RFX2: variants seen among roughly 807,000 people sequenced by gnomAD.
The protein encoded by RFX2 is regulatory factor X2, also known as DNA-binding protein RFX2.
A neutral mutation model predicts 87.8 loss-of-function variants in RFX2; 20 were observed. The observed-to-expected ratio is 0.23, with a 90% CI of 0.16 to 0.33. The LOEUF (loss-of-function observed/expected upper bound fraction) is 0.33. Among genes scored for constraint, RFX2 ranks in the 10% least tolerant of loss-of-function variants. The probability of loss-of-function intolerance (pLI) is 1.00; values close to 1 mark genes in which losing one functional copy is unlikely to be tolerated. For synonymous variants in RFX2, 397 were observed against 431.3 expected (o/e 0.92, Z 0.98); for missense variants, 767 against 1,012.3 (o/e 0.76, Z 3.29).
chr19:6,019,843 T>C (rs976886694), intron 6 of RFX2: 1 of 152,160 alleles, frequency 6.6e-6, no homozygotes, highest in Non-Finnish European at 1.5e-5. Flanking sequence ...CAGACTATGC[T>C]CTCCCTGAGG....
At chr19:6,070,170 AATGGG>A (rs1385533016) in intron 1 of RFX2, among the ~76,000 whole-genome samples, 1 of 2,658 alleles carries the variant, frequency 3.8e-4, no homozygotes, top group African/African-American at 2.1e-3. Context: ...ATGGGATGTG[AATGGG>A]ATGGGATGGG....
intron 5 of RFX2, among the ~76,000 whole-genome samples, chr19:6,033,519 A>G (rs1184622675): frequency 6.7e-6 from 1 of 150,130 alleles, no homozygotes; most frequent in East Asian, 2.0e-4. Flanking sequence ...ACAGTCTTTA[A>G]TCTTGTCACT....
intron 1 of RFX2, chr19:6,073,281 G>T (rs2087635746): frequency 1.2e-5 from 11 of 913,350 alleles, no homozygotes; most frequent in South Asian, 9.1e-5. Flanking sequence ...CGCCTGCAAG[G>T]GCCAGATCTT....
In RFX2 at chr19:6,012,895, G is replaced by A; in HGVS notation, c.899+91C>T. 1 of 1,280,082 alleles carries A rather than the reference G, an allele frequency of 7.8e-7. No individual in the cohort carries two copies. The highest frequency in any genetic ancestry group is 1.0e-6 in the Non-Finnish European group (1 of 983,502). The allele number at this position is 1,280,082 out of a possible 1,614,324, so 79.3% of individuals were successfully genotyped here. On this transcript the variant is annotated intron_variant, in intron 8 of 17. Coordinates refer to ENST00000303657, the MANE Select transcript of RFX2 (RefSeq NM_000635.4). This position sits in a 1 kb window ranked among gnomAD's most constrained non-coding sequence, Gnocchi z 4.6. Reference sequence around the variant, plus strand: ...TTCCCAGGATGCTGGAGACTGGGGAGTTATGATGAGTTTGTTTCGTGTTGG... The same window carrying A: ...TTCCCAGGATGCTGGAGACTGGGGAATTATGATGAGTTTGTTTCGTGTTGG...
At position 6,002,794 on chromosome 19, in the gene RFX2, G is replaced by T. The variant is rs375958267; in HGVS notation, c.1577C>A (p.Ala526Glu). ...GATCTGGGACGTGTTCTGCAGCACC[G>T]CCCGGGCCGCCTGCGCCAGGTGGTT... The part of the protein sequence containing the change: ...SLNHLAQAAR[A>E]VLQNTSQINQ... Residue 526 changes from alanine (A) to glutamate (E), a missense_variant, in exon 14 of 18, where the codon GCG (alanine) becomes GAG (glutamate). Physicochemically the swap from Ala to Glu is moderately radical, Grantham distance 107. This residue lies in a region of RFX2 where 621 missense variants were observed against 873.0 expected (regional missense o/e 0.71). Transcript: ENST00000303657. The surrounding 1 kb of genome is among the most constrained non-coding windows in gnomAD (Gnocchi z 6.7). 2.5e-6 allele frequency: 4 copies of T among 1,613,776 alleles called. No individual in the cohort carries two copies. The highest frequency in any genetic ancestry group is 2.5e-6 in the Non-Finnish European group (3 of 1,179,898).
chr19:6,042,217 G>A lies in RFX2; in HGVS notation c.181-94C>T, dbSNP rs1185925646. On this transcript the variant is annotated intron_variant, in intron 3 of 17. Transcript: ENST00000303657. Reference sequence around the variant, plus strand: ...TAGACGTGTCTTCTATTGCCTTTATGAACATTTAGTACCAAATGACAATGT... The same window carrying A: ...TAGACGTGTCTTCTATTGCCTTTATAAACATTTAGTACCAAATGACAATGT... 5 of 1,084,934 alleles carry A rather than the reference G, an allele frequency of 4.6e-6. No individual in the cohort carries two copies. In the Admixed American group the frequency reaches 7.0e-5, roughly 15 times the overall value. The allele number at this position is 1,084,934 out of a possible 1,614,324, so 67.2% of individuals were successfully genotyped here.
intron 16 of RFX2, 96 bp downstream of exon 16, chr19:5,996,964 C>T: frequency 1.5e-6 from 2 of 1,318,882 alleles, no homozygotes; most frequent in South Asian, 2.9e-5. Flanking sequence ...AGCAGTGGGA[C>T]CTGCGAGTGT....
intron 1 of RFX2, among the ~76,000 whole-genome samples, chr19:6,100,370 T>C (rs1212005995): frequency 6.6e-6 from 1 of 152,086 alleles, no homozygotes; most frequent in East Asian, 1.9e-4. Context: ...CAAAGAGACA[T>C]GACAAGGCGG....
rs376788277 is a variant in RFX2, at chr19:6,010,299, C to T, written c.900-48G>A. 4.5e-4 allele frequency: 583 copies of T among 1,287,834 alleles called. 1 individual carries two copies. Among genetic ancestry groups the T allele is most frequent in the Admixed American group, 1.4e-3 (70 of 50,420 alleles). The allele number at this position is 1,287,834 out of a possible 1,614,324, so 79.8% of individuals were successfully genotyped here. On this transcript the variant is annotated intron_variant, in intron 8 of 17. Transcript: ENST00000303657. The surrounding 1 kb of genome is among the most constrained non-coding windows in gnomAD (Gnocchi z 5.0). ...ATCATGAGGCCCAGCAGCCCTGCTGCGGGTGGGCCCAAAGACTGGGGGGCT... is the reference window on the plus strand; with the variant it reads ...ATCATGAGGCCCAGCAGCCCTGCTGTGGGTGGGCCCAAAGACTGGGGGGCT...
rs376941746 is a variant in RFX2, at chr19:6,007,819, C to T, written c.1135-17G>A. ...TACAGTTGCCTAGGAATGAAGGGAC[C>T]GGTGAGACAGACGGGTGCGTGCGCC... On this transcript the variant is annotated splice_polypyrimidine_tract_variant and intron_variant, in intron 10 of 17. Transcript: ENST00000303657. The surrounding 1 kb of genome is among the most constrained non-coding windows in gnomAD (Gnocchi z 8.2). 44 of 1,497,048 alleles carry T rather than the reference C, an allele frequency of 2.9e-5. No homozygotes were observed. Among genetic ancestry groups the T allele is most frequent in the Middle Eastern group, 1.7e-4 (1 of 5,894 alleles). 92.7% of individuals were successfully genotyped at this position (1,497,048 alleles called of 1,614,324 possible). A position where few individuals can be genotyped will look rare whatever the true frequency, so the allele number is the denominator to read the frequency against.
In RFX2 at chr19:6,063,477, G is replaced by T. The variant is rs1294003059; in HGVS notation, c.-8-15973C>A. On this transcript the variant is annotated intron_variant, in intron 1 of 17. Transcript: ENST00000303657. This position sits in a 1 kb window ranked among gnomAD's most constrained non-coding sequence, Gnocchi z 4.0. ...GGGTGAGGATGGGGTCCATGCACCT[G>T]CCAGGGTGGGGATGGACAAGACCCC... 6.6e-6 allele frequency among the ~76,000 whole-genome samples: 1 copy of T among 152,202 alleles called. No individual in the cohort carries two copies. The highest frequency in any genetic ancestry group is 1.5e-5 in the Non-Finnish European group (1 of 68,028).
chr19:6,012,624 T>C lies in RFX2; in HGVS notation c.899+362A>G, dbSNP rs1355459788. On this transcript the variant is annotated intron_variant, in intron 8 of 17. Coordinates refer to ENST00000303657, the MANE Select transcript of RFX2 (RefSeq NM_000635.4). The surrounding 1 kb of genome is among the most constrained non-coding windows in gnomAD (Gnocchi z 4.6). ...TCACGGGTCATGAGCAATGCACCGC[T>C]GTGTGGGGGAGGTGAATGGTGGGAG... Among the ~76,000 whole-genome samples, 3 of 151,418 alleles carry C rather than the reference T, an allele frequency of 2.0e-5. No homozygotes were observed. The highest frequency in any genetic ancestry group is 4.4e-5 in the Non-Finnish European group (3 of 67,798).
rs2086856264 is a variant in RFX2, at chr19:6,024,185, C to T, written c.597+1978G>A. ...CAGCCCTCTCGCCCAGGGCTGATACCCTGGACCCGCATGGGTTTGCGTTCA... is the reference window on the plus strand; with the variant it reads ...CAGCCCTCTCGCCCAGGGCTGATACTCTGGACCCGCATGGGTTTGCGTTCA... On this transcript the variant is annotated intron_variant, in intron 6 of 17. Coordinates refer to ENST00000303657, the MANE Select transcript of RFX2 (RefSeq NM_000635.4). This position sits in a 1 kb window ranked among gnomAD's most constrained non-coding sequence, Gnocchi z 5.0. Among the ~76,000 whole-genome samples, 1 of 152,202 alleles carries T rather than the reference C, an allele frequency of 6.6e-6. No individual in the cohort carries two copies. The highest frequency in any genetic ancestry group is 2.1e-4 in the South Asian group (1 of 4,832).
intron 1 of RFX2, among the ~76,000 whole-genome samples, chr19:6,084,161 G>T (rs1185631868): frequency 6.6e-6 from 1 of 152,160 alleles, no homozygotes; most frequent in Non-Finnish European, 1.5e-5. Context: ...GAAACTAAAT[G>T]AGTTCGCTGT....
intron 1 of RFX2, among the ~76,000 whole-genome samples, chr19:6,088,892 C>T (rs556605889): frequency 6.6e-6 from 1 of 152,344 alleles, no homozygotes; most frequent in African/African-American, 2.4e-5. Context: ...GGTGAAATGA[C>T]TGTGGCTGTG....
chr19:6,024,488 C>T lies in RFX2; in HGVS notation c.597+1675G>A, dbSNP rs1323618878. On this transcript the variant is annotated intron_variant, in intron 6 of 17. Transcript: ENST00000303657. This position sits in a 1 kb window ranked among gnomAD's most constrained non-coding sequence, Gnocchi z 5.0. ...TTTGTCTTTTTTGCTTCAAGACAAT[C>T]GGCAGAAGGAAATATTTCTGCCATT... Among the ~76,000 whole-genome samples the T allele has an allele frequency of 1.3e-5, 2 of 152,176 alleles. No homozygotes were observed. The highest frequency in any genetic ancestry group is 4.8e-5 in the African/African-American group (2 of 41,426).
intron 6 of RFX2, among the ~76,000 whole-genome samples, chr19:6,018,955 C>A (rs2086768455): frequency 6.6e-6 from 1 of 152,190 alleles, no homozygotes; most frequent in Non-Finnish European, 1.5e-5. Flanking sequence ...ACTCAAGTAG[C>A]CTATCACCTC....
At position 6,047,713 on chromosome 19, in the gene RFX2, T is replaced by C. The variant is rs2087214374; in HGVS notation, c.-8-209A>G. On this transcript the variant is annotated intron_variant, in intron 1 of 17. Transcript: ENST00000303657. This position sits in a 1 kb window ranked among gnomAD's most constrained non-coding sequence, Gnocchi z 4.2. ...AGAAGGAGAGAGGGGCCAGAGAAAGTTTTCCAAATATAAAACCCAAAAAGG... is the reference window on the plus strand; with the variant it reads ...AGAAGGAGAGAGGGGCCAGAGAAAGCTTTCCAAATATAAAACCCAAAAAGG... 6.6e-6 allele frequency among the ~76,000 whole-genome samples: 1 copy of C among 152,036 alleles called. No homozygotes were observed. The highest frequency in any genetic ancestry group is 2.1e-4 in the South Asian group (1 of 4,820).
In RFX2 at chr19:6,061,069, C is replaced by T. The variant is rs1238861088; in HGVS notation, c.-8-13565G>A. Among the ~76,000 whole-genome samples the T allele has an allele frequency of 6.6e-6, 1 of 152,160 alleles. No homozygotes were observed. The highest frequency in any genetic ancestry group is 1.5e-5 in the Non-Finnish European group (1 of 68,020). Reference sequence around the variant, plus strand: ...AAGGCACTGGGCATCTCCCTGCGCCCCGGGACACGTGTCGCTGGTGACTCA... The same window carrying T: ...AAGGCACTGGGCATCTCCCTGCGCCTCGGGACACGTGTCGCTGGTGACTCA... On this transcript the variant is annotated intron_variant, in intron 1 of 17. Coordinates refer to ENST00000303657, the MANE Select transcript of RFX2 (RefSeq NM_000635.4). This position sits in a 1 kb window ranked among gnomAD's most constrained non-coding sequence, Gnocchi z 5.2.
Sources: allele counts gnomAD v4.1 joint callset (sites outside exome capture counted in the v4.1 genomes callset), GRCh38; gene constraint gnomAD v4.1.1; regional missense constraint gnomAD v4.1.1; non-coding constraint Gnocchi (gnomAD v3.1); transcripts MANE v1.5; gene names NCBI Gene and HGNC (gene_info 2026-07-23, HGNC 2026-07-21).